The following UBE3C variants were observed in gnomAD, a reference collection of about 807,000 sequenced individuals.
UBE3C encodes ubiquitin-protein ligase E3C.
UBE3C carries 42 observed loss-of-function variants against 129.4 expected under a neutral mutation model. That is an observed-to-expected ratio of 0.32 (90% CI 0.25 to 0.42). UBE3C has a LOEUF of 0.42. UBE3C is among the 10% of genes least tolerant of loss of function. UBE3C has a pLI of 1.00. For missense variants in UBE3C, 1,049 were observed against 1,319.1 expected, an observed-to-expected ratio of 0.80 and a Z score of 3.17; for synonymous variants, 510 against 492.4, an observed-to-expected ratio of 1.04 and a Z score of -0.47.
intron 10 of UBE3C, among the ~76,000 whole-genome samples, chr7:157,189,691 A>T (rs920655837): frequency 6.6e-6 from 1 of 152,150 alleles, no homozygotes; most frequent in Non-Finnish European, 1.5e-5. Flanking sequence ...TCTTTCATAG[A>T]TACCATATTC....
intron 5 of UBE3C, among the ~76,000 whole-genome samples, chr7:157,175,976 TAAAG>T (rs1254239072): frequency 6.6e-6 from 1 of 152,146 alleles, no homozygotes; most frequent in Non-Finnish European, 1.5e-5. Flanking sequence ...TCTTTAAAAA[TAAAG>T]GAATCATGCT....
At chr7:157,139,360 C>T (rs372919865) in intron 1 of UBE3C, 22 bp downstream of exon 1, 1 of 1,557,436 alleles carries the variant, frequency 6.4e-7, no homozygotes, top group Non-Finnish European at 8.6e-7. Flanking sequence ...GCTGGCGGGG[C>T]GCCCTCGGCT....
At chr7:157,201,947 C>T in intron 11 of UBE3C, 140 bp downstream of exon 11, 1 of 658,024 alleles carries the variant, frequency 1.5e-6, no homozygotes, top group Non-Finnish European at 2.6e-6. Context: ...CAGATGGTCT[C>T]AGTTGCACAA....
intron 10 of UBE3C, among the ~76,000 whole-genome samples, chr7:157,200,258 C>G (rs1309582918): frequency 6.6e-6 from 1 of 152,038 alleles, no homozygotes; most frequent in Non-Finnish European, 1.5e-5. Flanking sequence ...AGTGATGTAC[C>G]CTTATTGCCA....
chr7:157,213,696 A>G (rs1809658368), intron 13 of UBE3C, among the ~76,000 whole-genome samples: 1 of 152,248 alleles, frequency 6.6e-6, no homozygotes, highest in Admixed American at 6.5e-5. Context: ...ACTTAGGAGA[A>G]AAATAGTTGA....
At chr7:157,217,041 A>G in intron 14 of UBE3C, 70 bp downstream of exon 14, 1 of 1,220,202 alleles carries the variant, frequency 8.2e-7, no homozygotes, top group Middle Eastern at 2.3e-4. Context: ...TCTGGAGAGA[A>G]GAATTAAGCA....
intron 8 of UBE3C, 77 bp from the exon 9 acceptor site, chr7:157,183,801 G>GA: frequency 6.5e-7 from 1 of 1,526,988 alleles, no homozygotes; most frequent in South Asian, 1.3e-5. Flanking sequence ...TGCGTGTGAG[G>GA]AAAAATGGCG....
chr7:157,192,568 A>G, intron 10 of UBE3C: 1 of 765,610 alleles, frequency 1.3e-6, no homozygotes, highest in East Asian at 2.4e-5. Flanking sequence ...CTTACTCTTC[A>G]TCTTGTGTTG....
In UBE3C at chr7:157,267,768, G is replaced by A; in HGVS notation, c.*13G>A. On this transcript the variant is annotated 3_prime_UTR_variant, in exon 23 of 23. Coordinates refer to ENST00000348165, the MANE Select transcript of UBE3C (RefSeq NM_014671.3). ...TGAGCTGAGCTGAAGCTGATGCTGG[G>A]GTCAGACCCCTACAGAGAACCAGTG... 6.3e-7 allele frequency: 1 copy of A among 1,579,794 alleles called. No individual in the cohort carries two copies. The highest frequency in any genetic ancestry group is 8.6e-7 in the Non-Finnish European group (1 of 1,163,918).
At chr7:157,232,357 T>C (rs1796043923) in intron 18 of UBE3C, among the ~76,000 whole-genome samples, 1 of 152,162 alleles carries the variant, frequency 6.6e-6, no homozygotes, top group African/African-American at 2.4e-5. Flanking sequence ...TATTAGTTTG[T>C]TTGTTTGTTT....
At chr7:157,250,331 C>T (rs1796591625) in intron 19 of UBE3C, among the ~76,000 whole-genome samples, 2 of 152,174 alleles carry the variant, frequency 1.3e-5, no homozygotes, top group South Asian at 2.1e-4. Context: ...GGATTACAGG[C>T]GTACACCACC....
chr7:157,148,135 C>T (rs1807656538), intron 1 of UBE3C, among the ~76,000 whole-genome samples: 1 of 152,058 alleles, frequency 6.6e-6, no homozygotes, highest in East Asian at 1.9e-4. Context: ...CTCCCTCTGT[C>T]GCCTAGGCTG....
At chr7:157,162,439 C>T (rs908698458) in intron 1 of UBE3C, among the ~76,000 whole-genome samples, 2 of 152,054 alleles carry the variant, frequency 1.3e-5, no homozygotes, top group Admixed American at 6.6e-5. Context: ...ATGATCTGCC[C>T]GCCTCGGCCT....
At chr7:157,167,526 C>CCT (rs905157555) in intron 2 of UBE3C, among the ~76,000 whole-genome samples, 5 of 150,856 alleles carry the variant, frequency 3.3e-5, no homozygotes, top group African/African-American at 9.8e-5. Flanking sequence ...ATATAAAATG[C>CCT]CTCTCTCTCT....
At chr7:157,172,048 A>T (rs1228561365) in intron 4 of UBE3C, among the ~76,000 whole-genome samples, 2 of 140,820 alleles carry the variant, frequency 1.4e-5, no homozygotes, top group African/African-American at 2.7e-5. Flanking sequence ...TTCCTTTTTG[A>T]GACGGAGTCT....
At chr7:157,184,939 T>A (rs986627232) in intron 9 of UBE3C, among the ~76,000 whole-genome samples, 1 of 151,970 alleles carries the variant, frequency 6.6e-6, no homozygotes, top group Non-Finnish European at 1.5e-5. Context: ...GACAAAGGAG[T>A]GAAGCCGTTT....
intron 1 of UBE3C, among the ~76,000 whole-genome samples, chr7:157,161,363 AT>A (rs992103407): frequency 6.6e-6 from 1 of 151,400 alleles, no homozygotes; most frequent in Admixed American, 6.6e-5. Context: ...TTAAAACAAT[AT>A]TTTTTCTGCT....
rs989789350 is a variant in UBE3C, at chr7:157,249,788, T to C, written c.2694+1208T>C. Among the ~76,000 whole-genome samples the C allele has an allele frequency of 3.3e-5, 5 of 152,222 alleles. 1 individual carries two copies. Among genetic ancestry groups the C allele is most frequent in the Admixed American group, 1.3e-4 (2 of 15,276 alleles). ...AATAAGAATATTACTGTTATAAACATCCACATACAGCATACTAAAATAATT... is the reference window on the plus strand; with the variant it reads ...AATAAGAATATTACTGTTATAAACACCCACATACAGCATACTAAAATAATT... On this transcript the variant is annotated intron_variant, in intron 19 of 22. Transcript: ENST00000348165.
At chr7:157,243,827 A>G (rs1463641672) in intron 18 of UBE3C, among the ~76,000 whole-genome samples, 1 of 152,238 alleles carries the variant, frequency 6.6e-6, no homozygotes, top group Non-Finnish European at 1.5e-5. Flanking sequence ...AAACAGATTC[A>G]TGAATGCAGA....
Sources: gnomAD v4.1 joint callset for allele counts (sites outside exome capture counted in the v4.1 genomes callset) on GRCh38, gnomAD v4.1.1 for gene constraint, MANE v1.5 for transcripts, NCBI Gene and HGNC (gene_info 2026-07-23, HGNC 2026-07-21) for gene names.